POFUT2: variants seen among roughly 807,000 people sequenced by gnomAD.
POFUT2 encodes GDP-fucose protein O-fucosyltransferase 2.
POFUT2 carries 30 observed loss-of-function variants against 55.0 expected under a neutral mutation model. The observed-to-expected ratio is 0.55, with a 90% CI of 0.41 to 0.74. POFUT2 has a LOEUF of 0.74. POFUT2 is among the 30% of genes least tolerant of loss of function. The pLI is 0.00. For synonymous variants in POFUT2, 267 were observed against 231.1 expected, an observed-to-expected ratio of 1.16 and a Z score of -1.41; for missense variants, 524 against 562.6, an observed-to-expected ratio of 0.93 and a Z score of 0.69.
chr21:45,266,223 A>C, intron 8 of POFUT2: 1 of 1,367,590 alleles, frequency 7.3e-7, no homozygotes. Flanking sequence ...GCGGCACTTC[A>C]TGAACTTCGT....
Position 45,267,059 on chromosome 21 carries a change from C to A in POFUT2, c.1136+531G>T, listed in dbSNP as rs2093162013. The A allele has an allele frequency of 2.7e-6, 3 of 1,104,184 alleles. No homozygotes were observed. Among genetic ancestry groups the A allele is most frequent in the Non-Finnish European group, 3.3e-6 (3 of 901,442 alleles). 68.4% of individuals were successfully genotyped at this position (1,104,184 alleles called of 1,614,324 possible). A position where few individuals can be genotyped will look rare whatever the true frequency, so the allele number is the denominator to read the frequency against. On this transcript the variant is annotated intron_variant, in intron 8 of 8. Coordinates refer to ENST00000349485, the MANE Select transcript of POFUT2 (RefSeq NM_133635.6). The surrounding 1 kb of genome is among the most constrained non-coding windows in gnomAD (Gnocchi z 4.4). ...CCCCACGAGAATGATCACACGAGGGCCCACGCTCCCGGCCTCGGGGACGCT... is the reference window on the plus strand; with the variant it reads ...CCCCACGAGAATGATCACACGAGGGACCACGCTCCCGGCCTCGGGGACGCT...
chr21:45,266,897 C>T (rs536395896), intron 8 of POFUT2: 2 of 1,015,018 alleles, frequency 2.0e-6, no homozygotes, highest in South Asian at 8.0e-5. Flanking sequence ...TCACCCTAAC[C>T]CCAGCCTTCA....
intron 6 of POFUT2, among the ~76,000 whole-genome samples, chr21:45,272,744 A>C (rs576986313): frequency 6.6e-6 from 1 of 152,328 alleles, no homozygotes; most frequent in East Asian, 1.9e-4. Flanking sequence ...ATTAAATCCA[A>C]AAGGAACCCT....
intron 3 of POFUT2, among the ~76,000 whole-genome samples, chr21:45,283,182 G>A (rs749849125): frequency 2.0e-5 from 3 of 148,878 alleles, no homozygotes; most frequent in South Asian, 2.2e-4. Context: ...AGGGCACTGC[G>A]GGGGAGGCGG....
chr21:45,273,017 C>T (rs1441761297), intron 6 of POFUT2, among the ~76,000 whole-genome samples: 1 of 151,898 alleles, frequency 6.6e-6, no homozygotes, highest in Non-Finnish European at 1.5e-5. Context: ...CCAAACCCAG[C>T]AGAAGAAAAC....
intron 8 of POFUT2, chr21:45,266,382 G>A: frequency 8.0e-7 from 1 of 1,246,746 alleles, no homozygotes; most frequent in Non-Finnish European, 1.0e-6. Flanking sequence ...CACACACAGG[G>A]GCCTGCCAGA....
chr21:45,286,292 C>T (rs1034595018), intron 1 of POFUT2, among the ~76,000 whole-genome samples: 8 of 152,154 alleles, frequency 5.3e-5, no homozygotes, highest in East Asian at 3.8e-4. Flanking sequence ...TCTATTGATA[C>T]GTCCTATGTT....
In POFUT2 at chr21:45,265,562, G is replaced by C; in HGVS notation, c.1210C>G (p.Pro404Ala). The change falls in exon 9 of 9, where the codon CCC (proline) becomes GCC (alanine). Residue 404 changes from proline (P) to alanine (A), a missense_variant. By Grantham distance (27) the Pro-to-Ala change is conservative. Around this residue, in one of 2 missense-constraint regions of POFUT2, gnomAD observed 250 missense variants for 318.2 expected, o/e 0.79. Transcript: ENST00000349485. The surrounding 1 kb of genome is among the most constrained non-coding windows in gnomAD (Gnocchi z 4.6). Reference protein sequence around the residue: ...HEEREILGLDPKTTYNRFCGD... With the variant: ...HEEREILGLDAKTTYNRFCGD... The stretch of plus-strand genomic sequence containing the variant: ...CAGAACCTGTTGTACGTCGTCTTGG[G>C]GTCCAACCCCAGGATTTCTCTTTCC... 3 of 1,614,080 alleles carry C rather than the reference G, an allele frequency of 1.9e-6. No individual in the cohort carries two copies. The highest frequency in any genetic ancestry group is 1.1e-5 in the South Asian group (1 of 91,082).
rs140902102 is a variant in POFUT2, at chr21:45,281,106, G to A, written c.638+1243C>T. 6.6e-6 allele frequency among the ~76,000 whole-genome samples: 1 copy of A among 152,208 alleles called. No homozygotes were observed. The highest frequency in any genetic ancestry group is 2.4e-5 in the African/African-American group (1 of 41,518). On this transcript the variant is annotated intron_variant, in intron 4 of 8. Coordinates refer to ENST00000349485, the MANE Select transcript of POFUT2 (RefSeq NM_133635.6). The surrounding 1 kb of genome is among the most constrained non-coding windows in gnomAD (Gnocchi z 5.0). ...CCGGAAGAGACTTTCCCTGGGTGCTGGGGGCAGATGACCTCACCGCCCATC... is the reference window on the plus strand; with the variant it reads ...CCGGAAGAGACTTTCCCTGGGTGCTAGGGGCAGATGACCTCACCGCCCATC...
chr21:45,265,774 C>T lies in POFUT2; in HGVS notation c.1137-139G>A. On this transcript the variant is annotated intron_variant, in intron 8 of 8. Transcript: ENST00000349485. The surrounding 1 kb of genome is among the most constrained non-coding windows in gnomAD (Gnocchi z 4.6). The stretch of plus-strand genomic sequence containing the variant: ...AACCAACACGGCCGTCCCCCGAGCA[C>T]CCACCAGCCGGCCGCCCCCTTGCTG... 1.4e-6 allele frequency: 2 copies of T among 1,438,426 alleles called. No homozygotes were observed. The highest frequency in any genetic ancestry group is 1.5e-5 in the South Asian group (1 of 68,498). 89.1% of individuals were successfully genotyped at this position (1,438,426 alleles called of 1,614,324 possible). A position where few individuals can be genotyped will look rare whatever the true frequency, so the allele number is the denominator to read the frequency against.
chr21:45,277,909 C>T lies in POFUT2; in HGVS notation c.705+194G>A. 1.6e-6 allele frequency: 1 copy of T among 634,730 alleles called. No homozygotes were observed. The highest frequency in any genetic ancestry group is 2.8e-6 in the Non-Finnish European group (1 of 356,826). The allele number at this position is 634,730 out of a possible 1,614,324, so 39.3% of individuals were successfully genotyped here. The stretch of plus-strand genomic sequence containing the variant: ...GGAGAGCTGGGTGGCCCTGCGGGCT[C>T]CCGAGGACCTGGCTCTGCAGCCACG... On this transcript the variant is annotated intron_variant, in intron 5 of 8. Coordinates refer to ENST00000349485, the MANE Select transcript of POFUT2 (RefSeq NM_133635.6). This position sits in a 1 kb window ranked among gnomAD's most constrained non-coding sequence, Gnocchi z 6.9.
intron 6 of POFUT2, among the ~76,000 whole-genome samples, chr21:45,273,860 AC>A (rs983319739): frequency 6.6e-6 from 1 of 152,214 alleles, no homozygotes; most frequent in African/African-American, 2.4e-5. Context: ...CCAACATTAT[AC>A]TGACGGGGGA....
chr21:45,287,598 G>T, intron 1 of POFUT2, 143 bp downstream of exon 1: 1 of 801,298 alleles, frequency 1.2e-6, no homozygotes, highest in African/African-American at 2.3e-5. Flanking sequence ...CATCTCCCTG[G>T]CCCCGGACCA....
chr21:45,277,437 CTG>C lies in POFUT2; in HGVS notation c.706-297_706-296del, dbSNP rs2146614031. The C allele has an allele frequency of 2.4e-6, 1 of 419,872 alleles. No individual in the cohort carries two copies. The highest frequency in any genetic ancestry group is 4.4e-6 in the Non-Finnish European group (1 of 225,278). 26.0% of individuals were successfully genotyped at this position (419,872 alleles called of 1,614,324 possible). ...TGGCCGTTGCCCCTGGCTGGCACAACTGTGTGCAGCTCCTTCCCCTCAGTCTC... is the reference window on the plus strand; with the variant it reads ...TGGCCGTTGCCCCTGGCTGGCACAACTGTGCAGCTCCTTCCCCTCAGTCTC... On this transcript the variant is annotated intron_variant, in intron 5 of 8. Transcript: ENST00000349485. This position sits in a 1 kb window ranked among gnomAD's most constrained non-coding sequence, Gnocchi z 6.9.
At position 45,277,262 on chromosome 21, in the gene POFUT2, C is replaced by T. The variant is rs926263769; in HGVS notation, c.706-120G>A. 1.8e-5 allele frequency: 24 copies of T among 1,314,400 alleles called. No individual in the cohort carries two copies. The highest frequency in any genetic ancestry group is 1.3e-4 in the East Asian group (5 of 39,968). 81.4% of individuals were successfully genotyped at this position (1,314,400 alleles called of 1,614,324 possible). On this transcript the variant is annotated intron_variant, in intron 5 of 8. Transcript: ENST00000349485. This position sits in a 1 kb window ranked among gnomAD's most constrained non-coding sequence, Gnocchi z 6.9. ...GCAGCTGGAACAAGCCCCTCAGACA[C>T]GTCATCCACGGTCGCCTGAGAAGCA...
In POFUT2 at chr21:45,277,398, A is replaced by C; in HGVS notation, c.706-256T>G. ...CCCCTGCCGTGGGAAGCTGCGGCAC[A>C]CACTGGGCTCAGCTGGCCGTTGCCC... On this transcript the variant is annotated intron_variant, in intron 5 of 8. Transcript: ENST00000349485. The surrounding 1 kb of genome is among the most constrained non-coding windows in gnomAD (Gnocchi z 6.9). 2.0e-6 allele frequency: 1 copy of C among 490,780 alleles called. No individual in the cohort carries two copies. The highest frequency in any genetic ancestry group is 2.1e-5 in the South Asian group (1 of 47,680). The allele number at this position is 490,780 out of a possible 1,614,324, so 30.4% of individuals were successfully genotyped here. A position where few individuals can be genotyped will look rare whatever the true frequency, so the allele number is the denominator to read the frequency against.
chr21:45,266,471 G>A (rs976665570), intron 8 of POFUT2: 1 of 1,142,438 alleles, frequency 8.8e-7, no homozygotes, highest in African/African-American at 1.6e-5. Context: ...GCAGGAGGCT[G>A]AGAGCTCAGT....
intron 2 of POFUT2, 100 bp from the exon 3 acceptor site, chr21:45,283,627 C>T: frequency 2.5e-6 from 3 of 1,199,554 alleles, no homozygotes; most frequent in African/African-American, 1.5e-5. Flanking sequence ...TACTGTACAC[C>T]ACCCTATTCC....
In POFUT2 at chr21:45,282,252, A is replaced by T; in HGVS notation, c.638+97T>A. ...CCGCTGTCTGTGAGGTGGGTGGGCC[A>T]GGGATGCGGGAGTATGGGCGGAGAG... is the stretch of plus-strand genomic sequence containing the variant. On this transcript the variant is annotated intron_variant, in intron 4 of 8. Coordinates refer to ENST00000349485, the MANE Select transcript of POFUT2 (RefSeq NM_133635.6). This position sits in a 1 kb window ranked among gnomAD's most constrained non-coding sequence, Gnocchi z 4.6. The T allele has an allele frequency of 1.2e-6, 1 of 807,634 alleles. No individual in the cohort carries two copies. The highest frequency in any genetic ancestry group is 1.7e-5 in the African/African-American group (1 of 58,530). 50.0% of individuals were successfully genotyped at this position (807,634 alleles called of 1,614,324 possible).
Sources: gnomAD v4.1 joint callset for allele counts (sites outside exome capture counted in the v4.1 genomes callset) on GRCh38, gnomAD v4.1.1 for gene constraint, gnomAD v4.1.1 regional missense constraint, Gnocchi (gnomAD v3.1) non-coding constraint, MANE v1.5 for transcripts, NCBI Gene and HGNC (gene_info 2026-07-23, HGNC 2026-07-21) for gene names.